SLC19A1: variants seen among roughly 807,000 people sequenced by gnomAD.
The protein encoded by SLC19A1 is solute carrier family 19 member 1, also known as reduced folate transporter.
A neutral mutation model predicts 35.3 loss-of-function variants in SLC19A1; 37 were observed. The ratio of observed to expected loss-of-function variants is 1.05; its 90% confidence interval spans 0.81 to 1.38. The LOEUF is 1.38. Ranked by LOEUF, SLC19A1 falls within the 40% of genes most tolerant of loss-of-function variation. The pLI is 0.00. For missense variants in SLC19A1, 831 were observed against 826.9 expected (o/e 1.00, Z -0.06); for synonymous variants, 460 against 398.5 (o/e 1.15, Z -1.84).
chr21:45,525,889 G>A lies in SLC19A1; in HGVS notation c.1221C>T (p.Ala407=), dbSNP rs1333385500. 2.2e-5 allele frequency: 35 copies of A among 1,613,664 alleles called. No homozygotes were observed. Among genetic ancestry groups the A allele is most frequent in the Non-Finnish European group, 2.8e-5 (33 of 1,179,954 alleles). ...ALVFGVNTFF[A]TIVKTIITFI... ...AAGTGATGATGGTCTTGACGATGGT[G>A]GCAAAGAACGTGTTGACCCCGAAGA... Residue 407 remains alanine, a synonymous_variant, in exon 5 of 6, where the codon GCC becomes GCT. Coordinates refer to ENST00000311124, the MANE Select transcript of SLC19A1 (RefSeq NM_194255.4).
In SLC19A1 at chr21:45,533,126, G is replaced by A. The variant is rs1407862662; in HGVS notation, c.190-978C>T. The stretch of plus-strand genomic sequence containing the variant: ...GCCGCCCTGCACCCTCCCAGGAGGG[G>A]GAGCACAGGCTGTCAGCCTGCCCAC... On this transcript the variant is annotated intron_variant, in intron 2 of 5. Transcript: ENST00000311124. This position sits in a 1 kb window ranked among gnomAD's most constrained non-coding sequence, Gnocchi z 4.5. 6.6e-6 allele frequency among the ~76,000 whole-genome samples: 1 copy of A among 152,184 alleles called. No individual in the cohort carries two copies. Among genetic ancestry groups the A allele is most frequent in the Non-Finnish European group, 1.5e-5 (1 of 68,022 alleles).
chr21:45,525,432 ACTGCTGAGTGGCT>A (rs2077575174), intron 5 of SLC19A1, among the ~76,000 whole-genome samples: 1 of 152,236 alleles, frequency 6.6e-6, no homozygotes, highest in Non-Finnish European at 1.5e-5. Context: ...GCGCACTGAC[ACTGCTGAGTGGCT>A]CTGCTCAGCT....
At position 45,530,848 on chromosome 21, in the gene SLC19A1, T is replaced by C; in HGVS notation, c.1073A>G (p.His358Arg). The C allele has an allele frequency of 6.6e-7, 1 of 1,508,350 alleles. No homozygotes were observed. The highest frequency in any genetic ancestry group is 2.2e-5 in the Admixed American group (1 of 45,280). The allele number at this position is 1,508,350 out of a possible 1,614,324, so 93.4% of individuals were successfully genotyped here. The change falls in exon 4 of 6, where the codon CAC (histidine) becomes CGC (arginine). Residue 358 changes from histidine to arginine, a missense_variant. Transcript: ENST00000311124. This position sits in a 1 kb window ranked among gnomAD's most constrained non-coding sequence, Gnocchi z 5.3. ...GLVFLLAHTRHPSSIWLCYAA... is the reference protein window; with the variant it reads ...GLVFLLAHTRRPSSIWLCYAA... ...ATAGCACAGCCAGATGCTGCTCGGG[T>C]GGCGCGTGTGCGCCAGAAGGAAGAC...
At position 45,505,929 on chromosome 21, in the gene SLC19A1, T is replaced by C; in HGVS notation, c.498-7317A>G. Reference sequence around the variant, plus strand: ...ATCTTCGTGGCCGAGCAGGAGGAGCTCTACGTCCGCGTGCAGAACGGGTTC... The same window carrying C: ...ATCTTCGTGGCCGAGCAGGAGGAGCCCTACGTCCGCGTGCAGAACGGGTTC... On this transcript the variant is annotated intron_variant, in intron 3 of 4. Transcript: ENST00000417954. 6.2e-7 allele frequency: 1 copy of C among 1,613,164 alleles called. No homozygotes were observed. The highest frequency in any genetic ancestry group is 8.5e-7 in the Non-Finnish European group (1 of 1,179,960).
chr21:45,553,534 C>T lies in SLC19A1; in HGVS notation c.-50+9208G>A, dbSNP rs1035184202. Reference sequence around the variant, plus strand: ...ACTTCAATGGCATTAAGGACATTCACACTGTTGTGCGGCCGTCACCCCCAT... The same window carrying T: ...ACTTCAATGGCATTAAGGACATTCATACTGTTGTGCGGCCGTCACCCCCAT... On this transcript the variant is annotated intron_variant, in intron 1 of 5. Coordinates refer to the SLC19A1 transcript ENST00000650808. Among the ~76,000 whole-genome samples, 17 of 151,804 alleles carry T rather than the reference C, an allele frequency of 1.1e-4. No individual in the cohort carries two copies. In the South Asian group the frequency reaches 1.5e-3, roughly 13 times the overall value.
intron 1 of SLC19A1, among the ~76,000 whole-genome samples, chr21:45,557,111 A>G (rs1361697898): frequency 6.6e-6 from 1 of 152,162 alleles, no homozygotes; most frequent in African/African-American, 2.4e-5. Flanking sequence ...CCCACGTGTC[A>G]GCTCCTTGCA....
In SLC19A1 at chr21:45,513,492, GC is replaced by G. The variant is rs1242889030; in HGVS notation, c.*2165del. 1.3e-5 allele frequency: 2 copies of G among 152,374 alleles called. No individual in the cohort carries two copies. The highest frequency in any genetic ancestry group is 3.9e-4 in the East Asian group (2 of 5,160). The allele number at this position is 152,374 out of a possible 1,614,324, so 9.4% of individuals were successfully genotyped here. A position where few individuals can be genotyped will look rare whatever the true frequency, so the allele number is the denominator to read the frequency against. On this transcript the variant is annotated 3_prime_UTR_variant, in exon 6 of 6. Coordinates refer to ENST00000311124, the MANE Select transcript of SLC19A1 (RefSeq NM_194255.4). ...CGGGTGAACAAAGCAGCCACGAGGT[GC>G]AACAAGGTCCTCTGTCAGTCACAGC... is the stretch of plus-strand genomic sequence containing the variant.
upstream of SLC19A1, among the ~76,000 whole-genome samples, chr21:45,549,087 G>T (rs2078440609): frequency 6.6e-6 from 1 of 152,214 alleles, no homozygotes; most frequent in African/African-American, 2.4e-5. Flanking sequence ...ATGCACAGGG[G>T]TTGTACCCTG....
In SLC19A1 at chr21:45,534,456, T is replaced by C. The variant is rs2078040320; in HGVS notation, c.190-2308A>G. 3 of 1,127,956 alleles carry C rather than the reference T, an allele frequency of 2.7e-6. No homozygotes were observed. The highest frequency in any genetic ancestry group is 3.8e-6 in the Non-Finnish European group (3 of 782,130). 69.9% of individuals were successfully genotyped at this position (1,127,956 alleles called of 1,614,324 possible). The stretch of plus-strand genomic sequence containing the variant: ...TGCCCACAGCCCAGAGTCAAAATGG[T>C]AGACAGCCAGCAGAGAGGCTCTCCC... On this transcript the variant is annotated intron_variant, in intron 2 of 5. Transcript: ENST00000311124. This position sits in a 1 kb window ranked among gnomAD's most constrained non-coding sequence, Gnocchi z 4.2.
chr21:45,558,364 A>G (rs2078583683), intron 1 of SLC19A1, among the ~76,000 whole-genome samples: 1 of 152,180 alleles, frequency 6.6e-6, no homozygotes, highest in South Asian at 2.1e-4. Context: ...CTGCTGAGAA[A>G]TCCCCAGTGG....
Position 45,540,826 on chromosome 21 carries a change from C to T in SLC19A1, c.-50+1542G>A, listed in dbSNP as rs945053262. 6.6e-6 allele frequency among the ~76,000 whole-genome samples: 1 copy of T among 152,154 alleles called. No individual in the cohort carries two copies. Among genetic ancestry groups the T allele is most frequent in the Non-Finnish European group, 1.5e-5 (1 of 68,030 alleles). On this transcript the variant is annotated intron_variant, in intron 1 of 5. Coordinates refer to ENST00000311124, the MANE Select transcript of SLC19A1 (RefSeq NM_194255.4). This position sits in a 1 kb window ranked among gnomAD's most constrained non-coding sequence, Gnocchi z 5.5. ...GCCTTCAGGAGAAGGTTGTAACAGCCCCTGCAAATCCCCGGCCCCACTGTC... is the reference window on the plus strand; with the variant it reads ...GCCTTCAGGAGAAGGTTGTAACAGCTCCTGCAAATCCCCGGCCCCACTGTC...
chr21:45,509,298 G>GGAGGAGGGGCAC, downstream of SLC19A1: 2 of 1,533,934 alleles, frequency 1.3e-6, no homozygotes, highest in East Asian at 2.4e-5. Context: ...GGACACAGAT[G>GGAGGAGGGGCAC]GAGGAGGGGC....
downstream of SLC19A1, among the ~76,000 whole-genome samples, chr21:45,509,065 C>T (rs781449301): frequency 6.6e-6 from 1 of 152,094 alleles, no homozygotes; most frequent in African/African-American, 2.4e-5. Context: ...GGAGCCGCGG[C>T]AAAGGAGAGG....
At chr21:45,543,786 C>G (rs36230816), upstream of SLC19A1, 267 of 152,502 alleles carry the variant, frequency 1.8e-3, 3 homozygotes, top group African/African-American at 6.0e-3. Context: ...CCTGGAGGGA[C>G]CCCCTGCTTT....
rs2037916066 is a variant in SLC19A1 at position 45,516,045 on chromosome 21, G to A, written c.1389C>T (p.His463=). Residue 463 remains histidine, a synonymous_variant, in exon 6 of 6, where the codon CAC becomes CAT. Transcript: ENST00000311124. ...DGLRHCQRGH[H]PRQPPAQGLR... ...GGCCCTGGGCCGGGGGCTGCCGCGG[G>A]TGGTGGCCCCGCTGGCAGTGCCGCA... 6 of 1,584,330 alleles carry A rather than the reference G, an allele frequency of 3.8e-6. No individual in the cohort carries two copies. The highest frequency in any genetic ancestry group is 1.3e-5 in the African/African-American group (1 of 74,740).
At chr21:45,510,932 C>CA (rs10718078), downstream of SLC19A1, among the ~76,000 whole-genome samples, 4 of 141,976 alleles carry the variant, frequency 2.8e-5, no homozygotes, top group South Asian at 2.3e-4. Context: ...CCCCACCCCC[C>CA]AAAAAAACAC....
intron 2 of SLC19A1, among the ~76,000 whole-genome samples, chr21:45,537,295 G>C (rs991571132): frequency 6.6e-6 from 1 of 152,132 alleles, no homozygotes; most frequent in African/African-American, 2.4e-5. Flanking sequence ...CCCCAGCCGG[G>C]TTCCCTCCAG....
Position 45,505,228 on chromosome 21 carries a change from G to GC in SLC19A1, c.498-6617dup, listed in dbSNP as rs1268694070. The stretch of plus-strand genomic sequence containing the variant: ...TACGAGGGGCGCCAGGGCCCTCCCG[G>GC]CCCCCCAGGCCCCCCAGGGCCCCCT... On this transcript the variant is annotated intron_variant, in intron 3 of 4. Coordinates refer to the SLC19A1 transcript ENST00000417954. 6.3e-7 allele frequency: 1 copy of GC among 1,593,578 alleles called. No homozygotes were observed. The highest frequency in any genetic ancestry group is 1.4e-5 in the African/African-American group (1 of 73,962).
downstream of SLC19A1, chr21:45,509,953 G>A (rs949340131): frequency 7.0e-5 from 89 of 1,268,516 alleles, no homozygotes; most frequent in South Asian, 9.9e-5. Context: ...CCCGCTCAGC[G>A]CCCCTCGGCC....
Sources: gnomAD v4.1 joint callset for allele counts (sites outside exome capture counted in the v4.1 genomes callset) on GRCh38, gnomAD v4.1.1 for gene constraint, Gnocchi (gnomAD v3.1) non-coding constraint, MANE v1.5 for transcripts, NCBI Gene and HGNC (gene_info 2026-07-23, HGNC 2026-07-21) for gene names.